The following CHRDL1 variants were observed in gnomAD, a reference collection of about 807,000 sequenced individuals.
The protein encoded by CHRDL1 is chordin-like protein 1.
A neutral mutation model predicts 40.9 loss-of-function variants in CHRDL1; 19 were observed. The ratio of observed to expected loss-of-function variants is 0.46; its 90% CI spans 0.32 to 0.68. The LOEUF is 0.68. CHRDL1 is among the 30% of genes least tolerant of loss of function. CHRDL1 has a pLI of 0.03. For missense variants in CHRDL1, 329 were observed against 352.1 expected, an observed-to-expected ratio of 0.93 and a Z score of 0.53; for synonymous variants, 136 against 123.4, an observed-to-expected ratio of 1.10 and a Z score of -0.68.
At chrX:110,758,323 T>C (rs1196148407) in intron 4 of CHRDL1, among the ~76,000 whole-genome samples, 1 of 107,996 alleles carries the variant, frequency 9.3e-6, no homozygotes, top group Admixed American at 1.0e-4. Flanking sequence ...CCAACAACTT[T>C]TAGGTTGGTC....
chrX:110,753,472 G>A (rs1370575503), intron 4 of CHRDL1, among the ~76,000 whole-genome samples: 1 of 111,735 alleles, frequency 8.9e-6, no homozygotes, highest in Non-Finnish European at 1.9e-5. Context: ...CTAGATTAGT[G>A]GTAAATGTTC....
chrX:110,747,386 CAAA>C (rs771351656), intron 4 of CHRDL1, among the ~76,000 whole-genome samples: 1 of 71,428 alleles, frequency 1.4e-5, no homozygotes, highest in African/African-American at 5.4e-5. Context: ...AACCAAAAAC[CAAA>C]AAAAAAAAAA....
chrX:110,696,475 T>G (rs1437644755), intron 7 of CHRDL1, among the ~76,000 whole-genome samples: 1 of 108,864 alleles, frequency 9.2e-6, no homozygotes, highest in African/African-American at 3.4e-5. Context: ...GAAGATTGAG[T>G]TTTTGGAGAT....
intron 6 of CHRDL1, among the ~76,000 whole-genome samples, chrX:110,705,304 T>TATATATATATATATATACACAC (rs1491498596): frequency 2.6e-5 from 2 of 77,619 alleles, no homozygotes; most frequent in African/African-American, 1.1e-4. Flanking sequence ...TATATATATA[T>TATATATATATATATATACACAC]ACACACACAC....
rs1033953830 is a variant in CHRDL1 at position 110,674,359 on chromosome X, C to A, written c.*1872G>T. ...GATGAATCATCCAGAAGGAGAAACA[C>A]CTCTTTGCCTTAGGATCTAGTTACT... On this transcript the variant is annotated 3_prime_UTR_variant, in exon 12 of 12. Coordinates refer to ENST00000372042, the MANE Select transcript of CHRDL1 (RefSeq NM_001143981.2). The A allele has an allele frequency of 9.1e-6, 1 of 109,867 alleles. No individual in the cohort carries two copies. Among genetic ancestry groups the A allele is most frequent in the Non-Finnish European group, 1.9e-5 (1 of 52,663 alleles). 9.1% of individuals were successfully genotyped at this position (109,867 alleles called of 1,213,427 possible).
At chrX:110,692,129 G>A (rs1267574487) in intron 8 of CHRDL1, among the ~76,000 whole-genome samples, 3 of 111,374 alleles carry the variant, frequency 2.7e-5, no homozygotes, top group Non-Finnish European at 5.6e-5. Context: ...GGAAAAGAAC[G>A]ATCCATGATG....
intron 5 of CHRDL1, among the ~76,000 whole-genome samples, chrX:110,720,655 G>A (rs2070934430): frequency 1.8e-5 from 2 of 111,885 alleles, no homozygotes; most frequent in Middle Eastern, 4.6e-3. Context: ...CTAAAGGGAA[G>A]AGATTCTATA....
At chrX:110,792,668 C>G (rs2090122507) in intron 1 of CHRDL1, among the ~76,000 whole-genome samples, 1 of 67,476 alleles carries the variant, frequency 1.5e-5, no homozygotes, top group Non-Finnish European at 3.2e-5. Flanking sequence ...TACTTTTAAT[C>G]CTTTTGGAAT....
At chrX:110,771,904 A>G (rs1036471767) in intron 2 of CHRDL1, among the ~76,000 whole-genome samples, 5 of 111,923 alleles carry the variant, frequency 4.5e-5, no homozygotes, top group Non-Finnish European at 9.4e-5. Context: ...TCTACATAGA[A>G]AATCTATAAG....
chrX:110,689,336 A>G (rs1234340289), intron 8 of CHRDL1, among the ~76,000 whole-genome samples: 1 of 96,506 alleles, frequency 1.0e-5, no homozygotes, highest in African/African-American at 3.8e-5. Context: ...GACTCAAGAG[A>G]TCCACTTGCC....
intron 3 of CHRDL1, 79 bp downstream of exon 3, chrX:110,762,616 C>T (rs1265881484): frequency 1.8e-6 from 1 of 567,783 alleles, no homozygotes; most frequent in African/African-American, 2.3e-5. Context: ...CATCCATGGT[C>T]CCTGGCCATT....
chrX:110,785,770 G>A (rs1209122225), intron 2 of CHRDL1, among the ~76,000 whole-genome samples: 1 of 111,647 alleles, frequency 9.0e-6, no homozygotes, highest in East Asian at 2.8e-4. Context: ...GTTTAACAAT[G>A]AGCATCTATT....
chrX:110,774,087 T>C (rs1387295517), intron 2 of CHRDL1, among the ~76,000 whole-genome samples: 1 of 111,987 alleles, frequency 8.9e-6, no homozygotes, highest in Non-Finnish European at 1.9e-5. Flanking sequence ...TGTTATGTTT[T>C]CTTGGAGAAT....
intron 7 of CHRDL1, among the ~76,000 whole-genome samples, chrX:110,698,669 T>C (rs1339164031): frequency 1.8e-5 from 2 of 112,001 alleles, no homozygotes; most frequent in Non-Finnish European, 3.8e-5. Flanking sequence ...AGTCCAGGCC[T>C]ATCACTAGGC....
chrX:110,700,760 C>T (rs780713094), intron 6 of CHRDL1, 39 bp from the exon 7 acceptor site: 1 of 912,577 alleles, frequency 1.1e-6, no homozygotes, highest in Non-Finnish European at 1.6e-6. Flanking sequence ...ATCATACATT[C>T]ATAAAAGGGA....
intron 2 of CHRDL1, among the ~76,000 whole-genome samples, chrX:110,786,610 A>T (rs1258862736): frequency 8.9e-6 from 1 of 112,277 alleles, no homozygotes; most frequent in Non-Finnish European, 1.9e-5. Context: ...CAAACAAGGG[A>T]AGACTGACCG....
intron 7 of CHRDL1, among the ~76,000 whole-genome samples, chrX:110,695,603 T>A (rs1310315173): frequency 8.9e-6 from 1 of 112,209 alleles, no homozygotes. Context: ...GGGGAACCCA[T>A]TAAAAAACTC....
At chrX:110,688,844 C>T (rs1386995928) in intron 8 of CHRDL1, 41 bp from the exon 9 acceptor site, 2 of 1,021,140 alleles carry the variant, frequency 2.0e-6, no homozygotes, top group Non-Finnish European at 2.7e-6. Context: ...AGCTAAGGAG[C>T]TAAAATGGAA....
rs761578006 is a variant in CHRDL1 at position 110,733,723 on chromosome X, C to A, written c.302-12193G>T. On this transcript the variant is annotated intron_variant, in intron 4 of 11. Transcript: ENST00000372042. ...AGGAGTTCGAGACCAGCCTGGCCAA[C>A]ATGGTGAAACCCTGTCTCTACTAAA... is the stretch of plus-strand genomic sequence containing the variant. Among the ~76,000 whole-genome samples, 13 of 110,119 alleles carry A rather than the reference C, an allele frequency of 1.2e-4. No homozygotes were observed. The East Asian group carries it at 3.5e-3, about 29-fold the overall frequency.
Sources: allele counts gnomAD v4.1 joint callset (sites outside exome capture counted in the v4.1 genomes callset), GRCh38; gene constraint gnomAD v4.1.1; transcripts MANE v1.5; gene names NCBI Gene and HGNC (gene_info 2026-07-23, HGNC 2026-07-21).